The following WWOX variants were observed in gnomAD, a reference collection of about 807,000 sequenced individuals.
WWOX encodes WW domain containing oxidoreductase.
In WWOX, 69 loss-of-function variants were observed where a neutral mutation model predicts 46.2. That is an observed-to-expected ratio of 1.49 (90% CI 1.23 to 1.82). The LOEUF (loss-of-function observed/expected upper bound fraction) is 1.82, where lower values mean the gene tolerates loss of function less well. Among genes scored for constraint, WWOX ranks in the 40% most tolerant of loss-of-function variants. The probability of loss-of-function intolerance (pLI) is 0.00; values close to 1 mark genes in which losing one functional copy is unlikely to be tolerated. For synonymous variants in WWOX, 359 were observed against 202.6 expected (o/e 1.77, Z -6.56); for missense variants, 919 against 542.6 (o/e 1.69, Z -6.89).
chr16:78,126,430 C>T (rs1005906806), intron 4 of WWOX, among the ~76,000 whole-genome samples: 4 of 152,212 alleles, frequency 2.6e-5, no homozygotes, highest in Non-Finnish European at 4.4e-5. Context: ...ATTTGCCTAT[C>T]TCTGATGATT....
chr16:78,401,288 A>G (rs540951906), intron 6 of WWOX, among the ~76,000 whole-genome samples: 1 of 152,274 alleles, frequency 6.6e-6, no homozygotes, highest in African/African-American at 2.4e-5. Context: ...AGTGGAAAAG[A>G]CTGAATATTT....
At chr16:78,327,150 A>G (rs1013192358) in intron 5 of WWOX, among the ~76,000 whole-genome samples, 2 of 152,202 alleles carry the variant, frequency 1.3e-5, no homozygotes, top group Non-Finnish European at 2.9e-5. Context: ...GGTGAAGGCC[A>G]TCCAAGCCCA....
intron 5 of WWOX, among the ~76,000 whole-genome samples, chr16:78,273,484 T>G (rs1303951785): frequency 6.6e-6 from 1 of 152,202 alleles, no homozygotes; most frequent in Non-Finnish European, 1.5e-5. Context: ...AAACATTTAT[T>G]AAATCCAAGC....
chr16:78,389,223 C>G (rs1005559550), intron 6 of WWOX, among the ~76,000 whole-genome samples: 1 of 152,228 alleles, frequency 6.6e-6, no homozygotes, highest in Non-Finnish European at 1.5e-5. Context: ...AGAGGCACCT[C>G]AACAGGCTGC....
intron 8 of WWOX, among the ~76,000 whole-genome samples, chr16:79,183,532 C>T (rs2050953774): frequency 6.6e-6 from 1 of 152,150 alleles, no homozygotes; most frequent in Non-Finnish European, 1.5e-5. Context: ...GGCATCCAAC[C>T]ATAATCATTG....
chr16:79,094,631 C>T (rs569894792), intron 8 of WWOX, among the ~76,000 whole-genome samples: 2 of 152,022 alleles, frequency 1.3e-5, no homozygotes, highest in South Asian at 4.1e-4. Context: ...CATCTCAGGT[C>T]TGTTTTTTCT....
At chr16:79,016,259 T>C (rs1043183788) in intron 8 of WWOX, 6 of 152,242 alleles carry the variant, frequency 3.9e-5, no homozygotes, top group African/African-American at 9.6e-5. Flanking sequence ...TTCTTTCCTC[T>C]CCTTTGGAAT....
chr16:78,751,805 G>C (rs926865524), intron 8 of WWOX, among the ~76,000 whole-genome samples: 4 of 151,290 alleles, frequency 2.6e-5, no homozygotes, highest in African/African-American at 9.7e-5. Context: ...AGAGAGAAAA[G>C]GAAGAGAAAG....
chr16:78,511,239 A>G (rs1163436282), intron 8 of WWOX, among the ~76,000 whole-genome samples: 2 of 152,200 alleles, frequency 1.3e-5, no homozygotes, highest in African/African-American at 4.8e-5. Flanking sequence ...CAGCGCACAC[A>G]TCACCTCCTA....
chr16:78,624,326 T>C (rs1412248184), intron 8 of WWOX, among the ~76,000 whole-genome samples: 1 of 152,036 alleles, frequency 6.6e-6, no homozygotes, highest in Non-Finnish European at 1.5e-5. Context: ...TTTCTCTGCC[T>C]CCTTTGCTAA....
intron 6 of WWOX, among the ~76,000 whole-genome samples, chr16:78,393,530 C>T (rs1232509513): frequency 2.6e-5 from 4 of 152,110 alleles, no homozygotes; most frequent in Admixed American, 1.3e-4. Flanking sequence ...TTTGTAGGTC[C>T]TTAAGTCCCT....
chr16:78,823,029 T>G (rs537789738), intron 8 of WWOX, among the ~76,000 whole-genome samples: 66 of 152,352 alleles, frequency 4.3e-4, no homozygotes, highest in African/African-American at 1.6e-3. Context: ...CATATTCAAC[T>G]TGGAAAACAG....
chr16:78,151,500 G>T (rs2034406342), intron 4 of WWOX, among the ~76,000 whole-genome samples: 1 of 152,140 alleles, frequency 6.6e-6, no homozygotes, highest in African/African-American at 2.4e-5. Flanking sequence ...ACATGGCGTG[G>T]TACCCAGCCA....
intron 5 of WWOX, among the ~76,000 whole-genome samples, chr16:78,314,617 T>G (rs2080318072): frequency 7.0e-6 from 1 of 142,848 alleles, no homozygotes; most frequent in Admixed American, 7.1e-5. Context: ...CTCTACCTCC[T>G]GGGTTCAAGC....
At chr16:78,898,835 T>C (rs938934072) in intron 8 of WWOX, 1 of 152,190 alleles carries the variant, frequency 6.6e-6, no homozygotes, top group Admixed American at 6.5e-5. Context: ...TTATACTTTT[T>C]TGTTAAATTA....
chr16:79,023,218 T>C (rs1251093650), intron 8 of WWOX, among the ~76,000 whole-genome samples: 1 of 152,218 alleles, frequency 6.6e-6, no homozygotes, highest in Non-Finnish European at 1.5e-5. Flanking sequence ...ACAGTCCATC[T>C]TGTTGGAAGG....
intron 8 of WWOX, among the ~76,000 whole-genome samples, chr16:78,555,168 T>A (rs1199807417): frequency 3.9e-5 from 5 of 128,428 alleles, no homozygotes; most frequent in Non-Finnish European, 4.8e-5. Context: ...TATGATTTTG[T>A]AAAAAAAAAA....
chr16:78,540,520 A>T (rs1482536278), intron 8 of WWOX, among the ~76,000 whole-genome samples: 1 of 152,176 alleles, frequency 6.6e-6, no homozygotes, highest in African/African-American at 2.4e-5. Flanking sequence ...TATTTTGGAC[A>T]GATAAACAAC....
chr16:79,209,451 A>G (rs971912321), intron 8 of WWOX, among the ~76,000 whole-genome samples: 2 of 152,216 alleles, frequency 1.3e-5, no homozygotes, highest in African/African-American at 4.8e-5. Context: ...GCTTGGCAGA[A>G]CAGTGAAAGG....
Sources: gnomAD v4.1 joint callset for allele counts (sites outside exome capture counted in the v4.1 genomes callset) on GRCh38, gnomAD v4.1.1 for gene constraint, MANE v1.5 for transcripts, NCBI Gene and HGNC (gene_info 2026-07-23, HGNC 2026-07-21) for gene names.